The following IFT52 variants were observed in gnomAD, a reference collection of about 807,000 sequenced individuals.
IFT52 encodes the protein intraflagellar transport protein 52 homolog.
Under a neutral mutation model 54.4 loss-of-function variants are expected in IFT52, and 44 were observed. That is an observed-to-expected ratio of 0.81 (90% CI 0.63 to 1.04). IFT52 has a LOEUF of 1.04. IFT52 is among the 50% of genes least tolerant of loss of function. The pLI is 0.00. For missense variants in IFT52, 452 were observed against 523.6 expected (o/e 0.86, Z 1.33); for synonymous variants, 181 against 185.3 (o/e 0.98, Z 0.19).
chr20:43,618,905 G>C (rs760474970), intron 7 of IFT52, 35 bp from the exon 8 acceptor site: 35 of 1,450,266 alleles, frequency 2.4e-5, no homozygotes, highest in Non-Finnish European at 3.4e-5. Context: ...TGCACTTTCG[G>C]ATTTGAGTAT....
intron 3 of IFT52, among the ~76,000 whole-genome samples, chr20:43,602,185 A>C (rs1188060701): frequency 1.3e-5 from 1 of 79,780 alleles, no homozygotes; most frequent in Non-Finnish European, 2.7e-5. Flanking sequence ...ATTTATTTTG[A>C]GACAGAGTCT....
rs752074735 is a variant in IFT52, at chr20:43,605,028, CTG to C, written c.443_444del (p.Val148AlafsTer5). 2 of 1,613,508 alleles carry C rather than the reference CTG, an allele frequency of 1.2e-6. No homozygotes were observed. The highest frequency in any genetic ancestry group is 1.7e-6 in the Non-Finnish European group (2 of 1,179,788). On this transcript the variant is annotated frameshift_variant, in exon 6 of 14. Coordinates refer to ENST00000373030, the MANE Select transcript of IFT52 (RefSeq NM_016004.5). LOFTEE classifies it high-confidence loss of function. ...GAAATTAGCCGAGCTGCAGGAAAGG[CTG>C]TGCCTGGGATCATTGATGAGGAAAG...
chr20:43,603,296 T>G (rs1469757246), intron 3 of IFT52, among the ~76,000 whole-genome samples: 1 of 152,228 alleles, frequency 6.6e-6, no homozygotes, highest in African/African-American at 2.4e-5. Flanking sequence ...GACTTCATCC[T>G]GATATCCTCT....
At chr20:43,633,325 A>G (rs1985302273) in intron 10 of IFT52, among the ~76,000 whole-genome samples, 1 of 152,012 alleles carries the variant, frequency 6.6e-6, no homozygotes, top group Non-Finnish European at 1.5e-5. Flanking sequence ...CCTGGGCCAC[A>G]AGAGCGAAAC....
At chr20:43,605,358 C>T (rs535906655) in intron 6 of IFT52, 136 of 507,608 alleles carry the variant, frequency 2.7e-4, no homozygotes, top group African/African-American at 2.6e-3. Context: ...ACAAGTGTAA[C>T]CAACATGGCA....
intron 3 of IFT52, among the ~76,000 whole-genome samples, chr20:43,596,736 C>CTCTTTTTT (rs1293519702): frequency 2.5e-4 from 19 of 75,924 alleles, no homozygotes; most frequent in South Asian, 5.4e-4. Flanking sequence ...AGCCACACTT[C>CTCTTTTTT]TTTTTTTTTT....
At chr20:43,619,058 A>T in intron 8 of IFT52, 32 bp downstream of exon 8, 1 of 1,389,942 alleles carries the variant, frequency 7.2e-7, no homozygotes, top group Non-Finnish European at 1.0e-6. Context: ...ATTAATATAC[A>T]ATGTGTATTA....
intron 10 of IFT52, among the ~76,000 whole-genome samples, chr20:43,633,128 G>A (rs1166657887): frequency 2.0e-5 from 3 of 151,990 alleles, no homozygotes; most frequent in Admixed American, 6.6e-5. Context: ...TGGATCACCT[G>A]AGGTTGGGAG....
intron 7 of IFT52, among the ~76,000 whole-genome samples, chr20:43,616,682 TTTTA>T (rs1430298593): frequency 6.6e-6 from 1 of 152,136 alleles, no homozygotes; most frequent in African/African-American, 2.4e-5. Context: ...TTTGCCTTAT[TTTTA>T]TTTATTTGCC....
intron 10 of IFT52, among the ~76,000 whole-genome samples, chr20:43,626,690 G>A (rs1195184913): frequency 6.6e-6 from 1 of 150,916 alleles, no homozygotes; most frequent in Admixed American, 6.6e-5. Flanking sequence ...TTCTTTCAAT[G>A]GACCATAAAT....
intron 3 of IFT52, among the ~76,000 whole-genome samples, chr20:43,599,423 C>T (rs1982252086): frequency 2.0e-5 from 3 of 152,152 alleles, no homozygotes; most frequent in Non-Finnish European, 4.4e-5. Flanking sequence ...ACAAGTCCTT[C>T]GAGAGGCAAA....
intron 1 of IFT52, among the ~76,000 whole-genome samples, chr20:43,592,795 T>G (rs1481689977): frequency 1.3e-5 from 2 of 152,194 alleles, no homozygotes; most frequent in Non-Finnish European, 2.9e-5. Flanking sequence ...ATGAAAATGT[T>G]TGTTTAATGA....
intron 13 of IFT52, 28 bp downstream of exon 13, chr20:43,642,652 T>C (rs1986000274): frequency 6.2e-7 from 1 of 1,609,196 alleles, no homozygotes; most frequent in South Asian, 1.1e-5. Context: ...CACAGTGTAG[T>C]GGGAGCCCCT....
intron 6 of IFT52, among the ~76,000 whole-genome samples, chr20:43,612,149 G>A (rs538524905): frequency 1.3e-5 from 2 of 152,220 alleles, no homozygotes; most frequent in South Asian, 4.2e-4. Flanking sequence ...AAATGTGGGG[G>A]ATAGATGTGC....
chr20:43,611,801 G>C (rs1019877568), intron 6 of IFT52, among the ~76,000 whole-genome samples: 1 of 151,648 alleles, frequency 6.6e-6, no homozygotes, highest in Non-Finnish European at 1.5e-5. Flanking sequence ...AGGCTGAGGC[G>C]GGTGGATCAC....
At chr20:43,643,056 A>G (rs1193009417) in intron 13 of IFT52, among the ~76,000 whole-genome samples, 4 of 151,882 alleles carry the variant, frequency 2.6e-5, no homozygotes, top group Non-Finnish European at 4.4e-5. Context: ...AATCCCAGCC[A>G]CTCAGGAGGC....
intron 13 of IFT52, among the ~76,000 whole-genome samples, chr20:43,643,148 C>T (rs1986038115): frequency 7.2e-6 from 1 of 139,464 alleles, no homozygotes; most frequent in Non-Finnish European, 1.5e-5. Context: ...GCCTGGGCAA[C>T]AGTGAGACTC....
intron 3 of IFT52, among the ~76,000 whole-genome samples, chr20:43,598,536 A>G (rs1033984898): frequency 6.6e-6 from 1 of 152,096 alleles, no homozygotes; most frequent in African/African-American, 2.4e-5. Context: ...CTCTACTAAA[A>G]ATACAAAAAT....
At chr20:43,641,276 C>T (rs1985904092) in intron 12 of IFT52, among the ~76,000 whole-genome samples, 2 of 152,114 alleles carry the variant, frequency 1.3e-5, no homozygotes, top group African/African-American at 4.8e-5. Flanking sequence ...GGCTGGAGTG[C>T]AGTGGCACGA....
Sources: gnomAD v4.1 joint callset for allele counts (sites outside exome capture counted in the v4.1 genomes callset) on GRCh38, gnomAD v4.1.1 for gene constraint, MANE v1.5 for transcripts, NCBI Gene and HGNC (gene_info 2026-07-23, HGNC 2026-07-21) for gene names.